The following PTK2B variants were observed in gnomAD, a reference collection of about 807,000 sequenced individuals.
The protein encoded by PTK2B is protein tyrosine kinase 2 beta, also known as protein-tyrosine kinase 2-beta.
A neutral mutation model predicts 142.9 loss-of-function variants in PTK2B; 71 were observed. That is an observed-to-expected ratio of 0.50 (90% CI 0.41 to 0.61). PTK2B has a LOEUF of 0.61. Ranked by LOEUF, PTK2B falls within the 20% of genes least tolerant of loss-of-function variation. The pLI, the probability that PTK2B is intolerant of heterozygous loss-of-function variation, is 0.00. For synonymous variants in PTK2B, 519 were observed against 503.4 expected, an observed-to-expected ratio of 1.03 and a Z score of -0.42; for missense variants, 1,105 against 1,320.4, an observed-to-expected ratio of 0.84 and a Z score of 2.53.
chr8:27,443,364 G>A, intron 22 of PTK2B, among the ~76,000 whole-genome samples: 1 of 152,202 alleles, frequency 6.6e-6, no homozygotes, highest in East Asian at 1.9e-4. Context: ...CAGGAGCCAG[G>A]GCCCTGCTGC....
chr8:27,382,867 A>G (rs1192174920), intron 1 of PTK2B, among the ~76,000 whole-genome samples: 4 of 152,150 alleles, frequency 2.6e-5, no homozygotes, highest in African/African-American at 9.7e-5. Context: ...AGCTATAAAT[A>G]TGTGGATGTA....
At chr8:27,384,908 A>G (rs1807249065) in intron 1 of PTK2B, among the ~76,000 whole-genome samples, 1 of 152,170 alleles carries the variant, frequency 6.6e-6, no homozygotes, top group Non-Finnish European at 1.5e-5. Context: ...CCAGAGCCCC[A>G]GAGGACCTTA....
intron 21 of PTK2B, 64 bp downstream of exon 21, chr8:27,440,505 C>A: frequency 1.3e-6 from 2 of 1,548,322 alleles, no homozygotes; most frequent in Non-Finnish European, 1.8e-6. Flanking sequence ...GCAAGACCAG[C>A]ACACAGAGAG....
intron 1 of PTK2B, among the ~76,000 whole-genome samples, chr8:27,329,308 A>C (rs1213883645): frequency 6.6e-6 from 1 of 152,114 alleles, no homozygotes; most frequent in Non-Finnish European, 1.5e-5. Context: ...GAGTCTTCCC[A>C]TTGCAGATCC....
chr8:27,412,330 G>C (rs960896292), intron 2 of PTK2B, among the ~76,000 whole-genome samples: 10 of 152,090 alleles, frequency 6.6e-5, no homozygotes, highest in Non-Finnish European at 1.5e-5. Context: ...AGGCTAGCAG[G>C]GACCCACCAT....
intron 24 of PTK2B, among the ~76,000 whole-genome samples, chr8:27,449,206 C>A (rs1282246677): frequency 6.6e-6 from 1 of 152,184 alleles, no homozygotes; most frequent in African/African-American, 2.4e-5. Context: ...ATAAGAACAT[C>A]GTATAGTTTA....
At chr8:27,440,998 G>T (rs546744269) in intron 21 of PTK2B, among the ~76,000 whole-genome samples, 3 of 152,222 alleles carry the variant, frequency 2.0e-5, no homozygotes, top group Non-Finnish European at 4.4e-5. Context: ...GGGTCCCCCA[G>T]TTTTCTTGGT....
chr8:27,391,667 C>G (rs1017816108), intron 1 of PTK2B, among the ~76,000 whole-genome samples: 4 of 152,250 alleles, frequency 2.6e-5, no homozygotes, highest in African/African-American at 9.6e-5. Context: ...TCAGTTCCCC[C>G]TCCTGCAGGC....
intron 3 of PTK2B, among the ~76,000 whole-genome samples, chr8:27,313,676 T>C (rs191830729): frequency 3.9e-5 from 6 of 152,290 alleles, no homozygotes; most frequent in East Asian, 1.9e-4. Context: ...CATCTGAGGC[T>C]TTCTTCCCTT....
At chr8:27,455,872 G>A (rs113706979) in intron 30 of PTK2B, among the ~76,000 whole-genome samples, 119 of 152,354 alleles carry the variant, frequency 7.8e-4, no homozygotes, top group African/African-American at 2.8e-3. Flanking sequence ...TTGGTTCTCC[G>A]TCTGGAGCCC....
intron 1 of PTK2B, among the ~76,000 whole-genome samples, chr8:27,370,137 G>A (rs575047324): frequency 1.3e-5 from 2 of 152,312 alleles, no homozygotes; most frequent in African/African-American, 2.4e-5. Flanking sequence ...AGTTTTCCTC[G>A]TACCTGGCTA....
chr8:27,357,298 ACTT>A (rs1211882455), intron 1 of PTK2B, among the ~76,000 whole-genome samples: 6 of 152,338 alleles, frequency 3.9e-5, no homozygotes, highest in Non-Finnish European at 5.9e-5. Flanking sequence ...TTCCTCTGAC[ACTT>A]CTTCTGTCTC....
At chr8:27,356,211 G>T (rs1248432662) in intron 1 of PTK2B, among the ~76,000 whole-genome samples, 1 of 152,126 alleles carries the variant, frequency 6.6e-6, no homozygotes, top group Non-Finnish European at 1.5e-5. Flanking sequence ...ATCGCAGGTT[G>T]GGGTGGCCTG....
Position 27,426,156 on chromosome 8 carries a change from C to T in PTK2B, c.551+3773C>T, listed in dbSNP as rs76612489. Among the ~76,000 whole-genome samples, 152 of 152,322 alleles carry T rather than the reference C, an allele frequency of 1.0e-3. 4 individuals carry two copies. In the East Asian group the frequency reaches 0.026, roughly 26 times the overall value. ...TGTTAATAAATAAAGATTAGAGAAA[C>T]GACACACAGCTTGCTTTGCTTCAAA... On this transcript the variant is annotated intron_variant, in intron 5 of 30. Coordinates refer to ENST00000346049, the MANE Select transcript of PTK2B (RefSeq NM_173176.3).
At chr8:27,384,359 A>G (rs963077867) in intron 1 of PTK2B, among the ~76,000 whole-genome samples, 1 of 152,182 alleles carries the variant, frequency 6.6e-6, no homozygotes, top group African/African-American at 2.4e-5. Flanking sequence ...TGGTTTTTAT[A>G]TGTTGATTTT....
At chr8:27,439,524 G>T in intron 20 of PTK2B, 126 bp downstream of exon 20, 2 of 1,080,416 alleles carry the variant, frequency 1.9e-6, no homozygotes, top group South Asian at 2.8e-5. Context: ...CTATTTTGCT[G>T]TGGCCACTGA....
At chr8:27,328,253 G>A (rs1026072322) in intron 1 of PTK2B, among the ~76,000 whole-genome samples, 1 of 152,184 alleles carries the variant, frequency 6.6e-6, no homozygotes, top group African/African-American at 2.4e-5. Context: ...ATTCAGCGCA[G>A]ACAAATGCGC....
At chr8:27,327,848 T>C (rs1803512185) in intron 1 of PTK2B, among the ~76,000 whole-genome samples, 1 of 152,226 alleles carries the variant, frequency 6.6e-6, no homozygotes, top group African/African-American at 2.4e-5. Context: ...TGCAGGTGGT[T>C]GGGAGGATCC....
intron 4 of PTK2B, among the ~76,000 whole-genome samples, chr8:27,421,323 TA>T (rs1809736786): frequency 7.6e-6 from 1 of 132,264 alleles, no homozygotes; most frequent in African/African-American, 2.7e-5. Context: ...TTTATTTATT[TA>T]TTTCAATGGG....
Sources: gnomAD v4.1 joint callset for allele counts (sites outside exome capture counted in the v4.1 genomes callset) on GRCh38, gnomAD v4.1.1 for gene constraint, MANE v1.5 for transcripts, NCBI Gene and HGNC (gene_info 2026-07-23, HGNC 2026-07-21) for gene names.